ADGRL3: variants seen among roughly 807,000 people sequenced by gnomAD.
ADGRL3 encodes adhesion G protein-coupled receptor L3, also known as calcium-independent alpha-latrotoxin receptor 3.
In ADGRL3, 62 loss-of-function variants were observed where a neutral mutation model predicts 153.5. The observed-to-expected ratio is 0.40, with a 90% confidence interval of 0.33 to 0.50. ADGRL3 has a LOEUF of 0.50. ADGRL3 is among the 20% of genes least tolerant of loss of function. ADGRL3 has a pLI of 0.47. For missense variants in ADGRL3, 1,641 were observed against 1,859.4 expected, an observed-to-expected ratio of 0.88 and a Z score of 2.16; for synonymous variants, 710 against 672.5, an observed-to-expected ratio of 1.06 and a Z score of -0.86.
At chr4:61,391,051 CTTGAG>C (rs1368309550) in intron 2 of ADGRL3, among the ~76,000 whole-genome samples, 1 of 152,070 alleles carries the variant, frequency 6.6e-6, no homozygotes, top group Non-Finnish European at 1.5e-5. Flanking sequence ...TTGAAAAACA[CTTGAG>C]TTATTTCTAA....
At chr4:61,566,700 G>A (rs938425127) in intron 4 of ADGRL3, among the ~76,000 whole-genome samples, 3 of 151,864 alleles carry the variant, frequency 2.0e-5, no homozygotes, top group African/African-American at 7.3e-5. Flanking sequence ...ATGGAATGTT[G>A]GTAGTTTGCA....
intron 1 of ADGRL3, among the ~76,000 whole-genome samples, chr4:61,253,381 T>C (rs1414880901): frequency 2.0e-5 from 3 of 152,204 alleles, no homozygotes; most frequent in Non-Finnish European, 2.9e-5. Context: ...CCAGACCCCT[T>C]GACTGTCTCA....
intron 21 of ADGRL3, among the ~76,000 whole-genome samples, chr4:62,017,501 A>G (rs2099217921): frequency 6.6e-6 from 1 of 150,790 alleles, no homozygotes; most frequent in Non-Finnish European, 1.5e-5. Context: ...AACTCTCTTT[A>G]CTGTCTGGAA....
At chr4:61,203,509 A>G (rs1735789024) in intron 1 of ADGRL3, among the ~76,000 whole-genome samples, 2 of 152,182 alleles carry the variant, frequency 1.3e-5, no homozygotes, top group Admixed American at 1.3e-4. Flanking sequence ...AAATGAGGAG[A>G]CGCATAGACT....
intron 8 of ADGRL3, among the ~76,000 whole-genome samples, chr4:61,754,187 T>A (rs1242933958): frequency 6.6e-6 from 1 of 152,230 alleles, no homozygotes. Flanking sequence ...TTTTCAAATA[T>A]GACCTTCCAG....
rs770244200 is a variant in ADGRL3, at chr4:61,204,598, G to T, written c.-240+2833G>T. ...GCTGTCTTTAGCTGAAGGTGAATGTGTCAGAGTATTTGAATGCCATTCCAT... is the reference window on the plus strand; with the variant it reads ...GCTGTCTTTAGCTGAAGGTGAATGTTTCAGAGTATTTGAATGCCATTCCAT... On this transcript the variant is annotated intron_variant, in intron 1 of 26. Coordinates refer to ENST00000683033, the MANE Select transcript of ADGRL3 (RefSeq NM_001387552.1). Among the ~76,000 whole-genome samples the T allele has an allele frequency of 3.3e-5, 5 of 152,280 alleles. No individual in the cohort carries two copies. The South Asian group carries it at 1.0e-3, about 32-fold the overall frequency.
intron 1 of ADGRL3, among the ~76,000 whole-genome samples, chr4:61,373,076 C>T (rs2151767122): frequency 6.6e-6 from 1 of 152,260 alleles, no homozygotes; most frequent in South Asian, 2.1e-4. Flanking sequence ...AATGCCTCGC[C>T]CTGCTTCGGC....
intron 25 of ADGRL3, among the ~76,000 whole-genome samples, chr4:62,058,057 A>C (rs1738026140): frequency 6.6e-6 from 1 of 152,194 alleles, no homozygotes; most frequent in Non-Finnish European, 1.5e-5. Flanking sequence ...TTCTGACAGC[A>C]AATAAGCAAG....
intron 1 of ADGRL3, among the ~76,000 whole-genome samples, chr4:61,250,593 TATTC>T (rs1296238432): frequency 6.6e-6 from 1 of 152,204 alleles, no homozygotes; most frequent in East Asian, 1.9e-4. Context: ...AATTGCCAGT[TATTC>T]AGATGTGAAC....
Position 62,071,739 on chromosome 4 carries a change from TC to T in ADGRL3, c.*832del. On this transcript the variant is annotated 3_prime_UTR_variant, in exon 27 of 27. Coordinates refer to ENST00000683033, the MANE Select transcript of ADGRL3 (RefSeq NM_001387552.1). ...CTTCCTTTCTTCTCTTTCTTCATTT[TC>T]TTTTTTTCTTTTTTGCCTTTTATTC... 1 of 420,292 alleles carries T rather than the reference TC, an allele frequency of 2.4e-6. No homozygotes were observed. Among genetic ancestry groups the T allele is most frequent in the Admixed American group, 2.7e-5 (1 of 36,826 alleles). 26.0% of individuals were successfully genotyped at this position (420,292 alleles called of 1,614,324 possible). A position where few individuals can be genotyped will look rare whatever the true frequency, so the allele number is the denominator to read the frequency against.
At position 62,002,435 on chromosome 4, in the gene ADGRL3, T is replaced by G. The variant is rs541462682; in HGVS notation, c.3395+4170T>G. 6.6e-5 allele frequency among the ~76,000 whole-genome samples: 10 copies of G among 151,616 alleles called. No homozygotes were observed. In the Admixed American group the frequency reaches 6.6e-4, roughly 10 times the overall value. ...CTAATTAATTAAATTATTATTTTAT[T>G]ATCTTAAAAATTAACTTTTTAAAAT... is the stretch of plus-strand genomic sequence containing the variant. On this transcript the variant is annotated intron_variant, in intron 21 of 26. Transcript: ENST00000683033.
At chr4:61,675,382 G>C (rs1472659054) in intron 5 of ADGRL3, among the ~76,000 whole-genome samples, 1 of 151,786 alleles carries the variant, frequency 6.6e-6, no homozygotes. Flanking sequence ...TATAGACTTA[G>C]TGCCAATATT....
At chr4:61,831,628 G>A (rs780424473) in intron 9 of ADGRL3, among the ~76,000 whole-genome samples, 2 of 152,034 alleles carry the variant, frequency 1.3e-5, no homozygotes, top group African/African-American at 2.4e-5. Context: ...GTCGTCAATA[G>A]ATACATTAGT....
chr4:61,222,139 A>G (rs1457600395), intron 1 of ADGRL3, among the ~76,000 whole-genome samples: 2 of 152,242 alleles, frequency 1.3e-5, no homozygotes, highest in East Asian at 3.9e-4. Context: ...TTAATCTCAT[A>G]TTGAGATGCC....
rs543364647 is a variant in ADGRL3 at position 61,499,858 on chromosome 4, A to G, written c.55+2510A>G. ...ATTGTAAGAAAGATTCCTTTTTCAG[A>G]ACTAAAATTCCTGGTCCCTAAAACT... On this transcript the variant is annotated intron_variant, in intron 3 of 26. Coordinates refer to ENST00000683033, the MANE Select transcript of ADGRL3 (RefSeq NM_001387552.1). 1.1e-3 allele frequency among the ~76,000 whole-genome samples: 168 copies of G among 152,232 alleles called. 1 individual carries two copies. The highest frequency in any genetic ancestry group is 3.4e-3 in the Middle Eastern group (1 of 294).
chr4:61,686,117 T>A (rs1348726708), intron 6 of ADGRL3, among the ~76,000 whole-genome samples: 2 of 152,124 alleles, frequency 1.3e-5, no homozygotes, highest in Admixed American at 1.3e-4. Context: ...TTAGCTTTAT[T>A]CAAAATAGGA....
intron 5 of ADGRL3, among the ~76,000 whole-genome samples, chr4:61,634,354 A>G (rs2093323421): frequency 6.6e-6 from 1 of 152,188 alleles, no homozygotes; most frequent in Non-Finnish European, 1.5e-5. Flanking sequence ...ACCGTGGCTT[A>G]AATTCATCCA....
At chr4:61,451,533 A>G (rs2097673744) in intron 2 of ADGRL3, among the ~76,000 whole-genome samples, 1 of 152,196 alleles carries the variant, frequency 6.6e-6, no homozygotes, top group South Asian at 2.1e-4. Context: ...TTAATACATT[A>G]CACAAAACTT....
At chr4:61,792,178 C>T (rs1198296326) in intron 8 of ADGRL3, among the ~76,000 whole-genome samples, 4 of 152,098 alleles carry the variant, frequency 2.6e-5, no homozygotes, top group Non-Finnish European at 4.4e-5. Flanking sequence ...AACTGAATGC[C>T]TTTACCAGCA....
Sources: gnomAD v4.1 joint callset for allele counts (sites outside exome capture counted in the v4.1 genomes callset) on GRCh38, gnomAD v4.1.1 for gene constraint, MANE v1.5 for transcripts, NCBI Gene and HGNC (gene_info 2026-07-23, HGNC 2026-07-21) for gene names.